The following ANO1 variants were observed in gnomAD, a reference collection of about 807,000 sequenced individuals.
ANO1 encodes the protein anoctamin-1.
ANO1 carries 59 observed loss-of-function variants against 124.0 expected under a neutral mutation model. That is an observed-to-expected ratio of 0.48 (90% CI 0.39 to 0.59). The LOEUF is 0.59. Ranked by LOEUF, ANO1 falls within the 20% of genes least tolerant of loss-of-function variation. The pLI is 0.00. For synonymous variants in ANO1, 529 were observed against 532.0 expected, an observed-to-expected ratio of 0.99 and a Z score of 0.08; for missense variants, 1,059 against 1,328.0, an observed-to-expected ratio of 0.80 and a Z score of 3.15.
In ANO1 at chr11:70,161,820, A is replaced by G. The variant is rs553988912; in HGVS notation, c.1892+87A>G. The G allele has an allele frequency of 4.2e-5, 56 of 1,329,374 alleles. 1 individual carries two copies. The South Asian group carries it at 5.0e-4, about 12-fold the overall frequency. The allele number at this position is 1,329,374 out of a possible 1,614,324, so 82.3% of individuals were successfully genotyped here. A position where few individuals can be genotyped will look rare whatever the true frequency, so the allele number is the denominator to read the frequency against. On this transcript the variant is annotated intron_variant, in intron 18 of 25. Coordinates refer to ENST00000355303, the MANE Select transcript of ANO1 (RefSeq NM_018043.7). ...CTCCCCACAGGTTGGGGGCACCTGGAGCCCAGGGCAGGGCAGACACCGTGG... is the reference window on the plus strand; with the variant it reads ...CTCCCCACAGGTTGGGGGCACCTGGGGCCCAGGGCAGGGCAGACACCGTGG...
At position 70,078,503 on chromosome 11, in the gene ANO1, C is replaced by A; in HGVS notation, c.-104C>A. ...CCTGGGCGCGGGGAGGCCCGGCCCC[C>A]TGCGAGCGCGCCGCGAACGCTGCGG... On this transcript the variant is annotated 5_prime_UTR_variant, in exon 1 of 26. The change creates a new upstream start codon in the 5' untranslated region. Coordinates refer to ENST00000355303, the MANE Select transcript of ANO1 (RefSeq NM_018043.7). The A allele has an allele frequency of 1.8e-6, 1 of 544,414 alleles. No homozygotes were observed. The highest frequency in any genetic ancestry group is 2.5e-6 in the Non-Finnish European group (1 of 406,174). 33.7% of individuals were successfully genotyped at this position (544,414 alleles called of 1,614,324 possible).
rs2047840733 is a variant in ANO1, at chr11:70,157,000, C to T, written c.1557C>T (p.Asn519=). The T allele has an allele frequency of 6.2e-7, 1 of 1,613,566 alleles. No homozygotes were observed. The highest frequency in any genetic ancestry group is 8.5e-7 in the Non-Finnish European group (1 of 1,179,758). The change falls in exon 16 of 26, where the codon AAC becomes AAT. Residue 519 remains asparagine, a synonymous_variant. Coordinates refer to ENST00000355303, the MANE Select transcript of ANO1 (RefSeq NM_018043.7). The part of the protein sequence containing the change: ...WRDRFPAYLT[N]LVSIIFMIAV... ...ATCGGTTCCCAGCCTACCTCACTAA[C>T]TTGGTCTCCATCATCTTCATGGTAA... is the stretch of plus-strand genomic sequence containing the variant.
chr11:70,093,987 G>A (rs915127084), intron 2 of ANO1, among the ~76,000 whole-genome samples: 1 of 152,192 alleles, frequency 6.6e-6, no homozygotes, highest in Non-Finnish European at 1.5e-5. Flanking sequence ...GGGTCTCAAC[G>A]TCCCCATCTG....
At chr11:70,031,119 G>A (rs143265558) in intron 1 of ANO1, among the ~76,000 whole-genome samples, 335 of 152,134 alleles carry the variant, frequency 2.2e-3, no homozygotes, top group African/African-American at 7.5e-3. Flanking sequence ...TAATTTTTGC[G>A]TTTTTCGTAG....
intron 11 of ANO1, among the ~76,000 whole-genome samples, chr11:70,146,778 T>C (rs1253001783): frequency 6.6e-6 from 1 of 151,522 alleles, no homozygotes; most frequent in East Asian, 1.9e-4. Context: ...AGTCCAAGAG[T>C]CCAAAAGCCG....
chr11:70,178,507 G>A (rs1400909661), intron 22 of ANO1, among the ~76,000 whole-genome samples: 2 of 152,148 alleles, frequency 1.3e-5, no homozygotes, highest in African/African-American at 4.8e-5. Flanking sequence ...AGGGGTCAGG[G>A]AAGTGTGACT....
the ANO1 span, among the ~76,000 whole-genome samples, chr11:69,980,815 A>G: frequency 6.6e-6 from 1 of 152,204 alleles, no homozygotes; most frequent in East Asian, 1.9e-4. Flanking sequence ...GCACTTTGGG[A>G]GGCCAAGGCG....
chr11:69,974,600 G>T, the ANO1 span, among the ~76,000 whole-genome samples: 1 of 152,210 alleles, frequency 6.6e-6, no homozygotes, highest in African/African-American at 2.4e-5. Context: ...ACCCAGGGAT[G>T]GGGGACCCAC....
chr11:70,120,745 C>T (rs891262462), intron 8 of ANO1, among the ~76,000 whole-genome samples: 3 of 152,146 alleles, frequency 2.0e-5, no homozygotes, highest in East Asian at 1.9e-4. Flanking sequence ...CACCAAGGGC[C>T]GGTGGCAGCC....
chr11:70,127,174 A>G (rs1170558955), intron 10 of ANO1, among the ~76,000 whole-genome samples: 10 of 121,380 alleles, frequency 8.2e-5, no homozygotes, highest in Middle Eastern at 0.012. Flanking sequence ...TGGTGCTTGC[A>G]GGAAGTGAGA....
chr11:70,152,648 C>G (rs1423922120), intron 13 of ANO1, among the ~76,000 whole-genome samples, 187 bp downstream of exon 13: 1 of 152,242 alleles, frequency 6.6e-6, no homozygotes, highest in East Asian at 1.9e-4. Context: ...CCTTCGCTGA[C>G]CTGCGCTGAG....
chr11:70,181,139 T>C (rs2048913521), intron 23 of ANO1, among the ~76,000 whole-genome samples: 3 of 152,232 alleles, frequency 2.0e-5, no homozygotes, highest in Non-Finnish European at 4.4e-5. Context: ...GGGAGTCTGC[T>C]GTGCCAGGGG....
chr11:70,099,844 A>G (rs926116582), intron 2 of ANO1, among the ~76,000 whole-genome samples: 2 of 152,184 alleles, frequency 1.3e-5, no homozygotes, highest in African/African-American at 2.4e-5. Flanking sequence ...GAAACCACAC[A>G]GGGGCAGGGC....
intron 1 of ANO1, among the ~76,000 whole-genome samples, chr11:70,059,473 G>A (rs978977554): frequency 1.3e-5 from 2 of 152,166 alleles, no homozygotes; most frequent in African/African-American, 4.8e-5. Flanking sequence ...GAGCTAGTGG[G>A]AAAGGCCTTG....
At chr11:70,124,302 C>T (rs758669116) in intron 8 of ANO1, 48 bp from the exon 9 acceptor site, 2 of 1,590,976 alleles carry the variant, frequency 1.3e-6, no homozygotes, top group Non-Finnish European at 8.6e-7. Flanking sequence ...CGGGGAGCAA[C>T]CTCGGAGTGC....
At chr11:70,080,256 C>A (rs1229736042) in intron 1 of ANO1, among the ~76,000 whole-genome samples, 1 of 152,208 alleles carries the variant, frequency 6.6e-6, no homozygotes, top group Non-Finnish European at 1.5e-5. Context: ...CCCAGAGGGG[C>A]AGGTGACCAG....
At chr11:70,065,410 T>A (rs1857692552) in intron 1 of ANO1, 1 of 152,326 alleles carries the variant, frequency 6.6e-6, no homozygotes, top group Non-Finnish European at 1.5e-5. Context: ...GCTCGCTGAA[T>A]CCAGGAGCAG....
intron 22 of ANO1, among the ~76,000 whole-genome samples, chr11:70,179,261 G>C (rs2135821003): frequency 6.6e-6 from 1 of 152,362 alleles, no homozygotes; most frequent in East Asian, 1.9e-4. Flanking sequence ...CAACATTGCT[G>C]GGCATGATAG....
At chr11:70,090,466 C>T (rs1449851105) in intron 2 of ANO1, among the ~76,000 whole-genome samples, 1 of 152,184 alleles carries the variant, frequency 6.6e-6, no homozygotes, top group East Asian at 1.9e-4. Flanking sequence ...GCCTCAGTTT[C>T]CCCATTTGTA....
Sources: gnomAD v4.1 joint callset for allele counts (sites outside exome capture counted in the v4.1 genomes callset) on GRCh38, gnomAD v4.1.1 for gene constraint, MANE v1.5 for transcripts, NCBI Gene and HGNC (gene_info 2026-07-23, HGNC 2026-07-21) for gene names.